Variants in PRDM1 observed in about 807,000 individuals in gnomAD.
PRDM1 encodes PR/SET domain 1, also known as PR domain zinc finger protein 1.
PRDM1 carries 13 observed loss-of-function variants against 62.8 expected under a neutral mutation model. That is an observed-to-expected ratio of 0.21 (90% CI 0.13 to 0.33). The LOEUF (loss-of-function observed/expected upper bound fraction) is 0.33. Among genes scored for constraint, PRDM1 ranks in the 10% least tolerant of loss-of-function variants. The pLI is 1.00. For missense variants in PRDM1, 895 were observed against 1,058.8 expected, an observed-to-expected ratio of 0.85 and a Z score of 2.15; for synonymous variants, 396 against 417.6, an observed-to-expected ratio of 0.95 and a Z score of 0.63.
Position 106,107,287 on chromosome 6 carries a change from T to C in PRDM1, c.2279T>C (p.Leu760Pro). Residue 760 changes from leucine to proline, a missense_variant, in exon 7 of 7, where the codon CTG (leucine) becomes CCG (proline). This residue lies in a region of PRDM1 where 164 missense variants were observed against 179.9 expected (regional missense o/e 0.91). Transcript: ENST00000369096. ...ATCTCTGTAGTGGAGAAGGAAATTC[T>C]GGCCGTGGTCAGAAAAGAGAAAGAA... Reference protein sequence around the residue: ...SVISVVEKEILAVVRKEKEET... With the variant: ...SVISVVEKEIPAVVRKEKEET... 7 of 1,614,206 alleles carry C rather than the reference T, an allele frequency of 4.3e-6. No individual in the cohort carries two copies. The highest frequency in any genetic ancestry group is 5.9e-6 in the Non-Finnish European group (7 of 1,180,040).
At chr6:106,096,005 T>G in intron 3 of PRDM1, 1 of 342,056 alleles carries the variant, frequency 2.9e-6, no homozygotes, top group East Asian at 4.8e-5. Context: ...GGAAACAGTT[T>G]GTTGCTTGCT....
Position 106,107,475 on chromosome 6 carries a change from A to G in PRDM1, c.2467A>G (p.Met823Val). 5 of 1,596,262 alleles carry G rather than the reference A, an allele frequency of 3.1e-6. No individual in the cohort carries two copies. Among genetic ancestry groups the G allele is most frequent in the African/African-American group, 2.7e-5 (2 of 73,870 alleles). ...GGTCAAACAAGAAACAGTTGAACCA[A>G]TGGATCCTTAAGATTTTCAGAAAAC... Reference protein sequence around the residue: ...VKVKQETVEPMDP With the variant: ...VKVKQETVEPVDP The change falls in exon 7 of 7, where the codon ATG (methionine) becomes GTG (valine). Residue 823 changes from methionine (M) to valine (V), a missense_variant. By Grantham distance (21) the Met-to-Val change is conservative. Transcript: ENST00000369096.
At chr6:106,062,389 C>T (rs1356499857) in intron 1 of PRDM1, among the ~76,000 whole-genome samples, 6 of 152,154 alleles carry the variant, frequency 3.9e-5, no homozygotes, top group Non-Finnish European at 7.4e-5. Flanking sequence ...TAATCCATAA[C>T]ATGAAAATTC....
At chr6:106,009,435 T>G (rs1772519234) in intron 1 of PRDM1, among the ~76,000 whole-genome samples, 1 of 152,188 alleles carries the variant, frequency 6.6e-6, no homozygotes, top group Non-Finnish European at 1.5e-5. Context: ...TAGTTAGCAT[T>G]CCTTAGGCAA....
At position 106,071,030 on chromosome 6, in the gene PRDM1, G is replaced by A. The variant is rs532020738; in HGVS notation, c.-66-17171G>A. On this transcript the variant is annotated intron_variant, in intron 1 of 6. Coordinates refer to the PRDM1 transcript ENST00000651185. ...TCATGCCTGTAATAGCAGCACTTTC[G>A]GAGGCCAAGGCAGATGGATCATTTG... Among the ~76,000 whole-genome samples the A allele has an allele frequency of 3.3e-5, 5 of 152,242 alleles. No homozygotes were observed. The South Asian group carries it at 8.3e-4, about 25-fold the overall frequency.
chr6:106,041,417 G>T (rs908941422), intron 1 of PRDM1, among the ~76,000 whole-genome samples: 1 of 152,188 alleles, frequency 6.6e-6, no homozygotes, highest in African/African-American at 2.4e-5. Flanking sequence ...CATTGCTTTA[G>T]GTTATTGCTG....
intron 1 of PRDM1, among the ~76,000 whole-genome samples, chr6:105,998,898 TA>T: frequency 2.7e-4 from 1 of 3,678 alleles, no homozygotes. Flanking sequence ...TACATATATA[TA>T]TATATATATA....
rs747103178 is a variant in PRDM1 at position 106,107,582 on chromosome 6, A to C, written c.*96A>C. 1 of 1,124,942 alleles carries C rather than the reference A, an allele frequency of 8.9e-7. No homozygotes were observed. The highest frequency in any genetic ancestry group is 2.5e-5 in the East Asian group (1 of 39,550). 69.7% of individuals were successfully genotyped at this position (1,124,942 alleles called of 1,614,324 possible). ...CTTGTACATAATCCCAGCTCTGCAA[A>C]GCTCTCTCGACAGCAAATGGTTTCC... On this transcript the variant is annotated 3_prime_UTR_variant, in exon 7 of 7. Coordinates refer to ENST00000369096, the MANE Select transcript of PRDM1 (RefSeq NM_001198.4).
At chr6:106,008,897 C>T (rs1455470559) in intron 1 of PRDM1, among the ~76,000 whole-genome samples, 1 of 152,218 alleles carries the variant, frequency 6.6e-6, no homozygotes, top group African/African-American at 2.4e-5. Context: ...ACTCCTTCGA[C>T]TCTACCTCTA....
In PRDM1 at chr6:106,106,838, C is replaced by T; in HGVS notation, c.1903-73C>T. The T allele has an allele frequency of 1.4e-6, 2 of 1,471,650 alleles. No individual in the cohort carries two copies. 91.2% of individuals were successfully genotyped at this position (1,471,650 alleles called of 1,614,324 possible). A position where few individuals can be genotyped will look rare whatever the true frequency, so the allele number is the denominator to read the frequency against. Reference sequence around the variant, plus strand: ...TGGGCGTTGGCCGGTAAGCCTGCCCCTCCCGTTGGCAACTCTTAATCTTCT... The same window carrying T: ...TGGGCGTTGGCCGGTAAGCCTGCCCTTCCCGTTGGCAACTCTTAATCTTCT... On this transcript the variant is annotated intron_variant, in intron 6 of 6. Transcript: ENST00000369096. This position sits in a 1 kb window ranked among gnomAD's most constrained non-coding sequence, Gnocchi z 4.4.
chr6:106,066,132 C>A lies in PRDM1; in HGVS notation c.-67+17418C>A, dbSNP rs529514598. Among the ~76,000 whole-genome samples the A allele has an allele frequency of 1.1e-4, 17 of 152,248 alleles. 1 individual carries two copies. In the South Asian group the frequency reaches 2.9e-3, roughly 26 times the overall value. ...CCATTGTCTATGGTTTCCGCTTGCT[C>A]CTTCCAAATGGGACAAATAAAGAGA... is the stretch of plus-strand genomic sequence containing the variant. On this transcript the variant is annotated intron_variant, in intron 1 of 6. Coordinates refer to the PRDM1 transcript ENST00000651185.
At chr6:106,064,013 G>A (rs6903235) in intron 1 of PRDM1, among the ~76,000 whole-genome samples, 121,156 of 152,156 alleles carry the variant, frequency 0.8, 48,587 homozygotes, top group East Asian at 1. Context: ...CCCCAAATCC[G>A]GCATCTGGGA....
At chr6:106,081,738 G>A (rs72941678), upstream of PRDM1, among the ~76,000 whole-genome samples, 10,329 of 152,176 alleles carry the variant, frequency 0.068, 481 homozygotes, top group Middle Eastern at 0.11. Context: ...AGAAGAAATC[G>A]TCAGTCCCAT....
intron 1 of PRDM1, among the ~76,000 whole-genome samples, chr6:106,042,535 A>AC (rs1169695017): frequency 6.6e-6 from 1 of 151,718 alleles, no homozygotes; most frequent in Non-Finnish European, 1.5e-5. Flanking sequence ...CTCAAAAAAA[A>AC]AAAACAAACA....
rs7754133 is a variant in PRDM1, at chr6:106,023,760, G to A, written c.-67+30121G>A. 5.4e-3 allele frequency among the ~76,000 whole-genome samples: 817 copies of A among 152,272 alleles called. 10 individuals carry two copies. Among genetic ancestry groups the A allele is most frequent in the African/African-American group, 0.019 (773 of 41,564 alleles). Reference sequence around the variant, plus strand: ...CACACTGCTTGTGCTGCTGGAATCTGCTAGCTGATATTTGACTTGAAGTTG... The same window carrying A: ...CACACTGCTTGTGCTGCTGGAATCTACTAGCTGATATTTGACTTGAAGTTG... On this transcript the variant is annotated intron_variant, in intron 1 of 6. Coordinates refer to the PRDM1 transcript ENST00000652320.
chr6:106,083,792 C>T (rs1773738831), upstream of PRDM1, among the ~76,000 whole-genome samples: 1 of 152,136 alleles, frequency 6.6e-6, no homozygotes, highest in South Asian at 2.1e-4. Context: ...AAAAATGCAC[C>T]AAGTTATTAC....
upstream of PRDM1, chr6:106,046,912 C>T (rs1773086834): frequency 6.6e-6 from 1 of 152,196 alleles, no homozygotes; most frequent in African/African-American, 2.4e-5. Flanking sequence ...TATATTCTTT[C>T]CTGGAGGGGT....
chr6:105,996,537 C>T (rs1005212185), intron 1 of PRDM1, among the ~76,000 whole-genome samples: 1 of 152,034 alleles, frequency 6.6e-6, no homozygotes, highest in African/African-American at 2.4e-5. Context: ...GAAGTTAATA[C>T]GTTTTCTATA....
At chr6:106,089,425 G>A (rs1266680689) in intron 2 of PRDM1, among the ~76,000 whole-genome samples, 4 of 152,140 alleles carry the variant, frequency 2.6e-5, no homozygotes, top group African/African-American at 7.2e-5. Flanking sequence ...CCTTACAGCC[G>A]TGTCAAATCA....
Sources: allele counts gnomAD v4.1 joint callset (sites outside exome capture counted in the v4.1 genomes callset), GRCh38; gene constraint gnomAD v4.1.1; regional missense constraint gnomAD v4.1.1; non-coding constraint Gnocchi (gnomAD v3.1); transcripts MANE v1.5; gene names NCBI Gene and HGNC (gene_info 2026-07-23, HGNC 2026-07-21).